The following KHDRBS2 variants were observed in gnomAD, a reference collection of about 807,000 sequenced individuals.
KHDRBS2 encodes the protein KH domain-containing, RNA-binding, signal transduction-associated protein 2.
A neutral mutation model predicts 44.3 loss-of-function variants in KHDRBS2; 26 were observed. That is an observed-to-expected ratio of 0.59 (90% CI 0.43 to 0.81). KHDRBS2 has a LOEUF of 0.81. KHDRBS2 is among the 40% of genes least tolerant of loss of function. KHDRBS2 has a pLI of 0.00. For synonymous variants in KHDRBS2, 194 were observed against 151.1 expected (o/e 1.28, Z -2.08); for missense variants, 476 against 433.1 (o/e 1.10, Z -0.88).
intron 6 of KHDRBS2, among the ~76,000 whole-genome samples, chr6:61,877,816 G>A (rs1368657855): frequency 1.3e-5 from 2 of 151,756 alleles, no homozygotes; most frequent in Non-Finnish European, 2.9e-5. Context: ...TATTTTATTT[G>A]TAGTGAAAAT....
chr6:61,837,016 T>C (rs1041880754), intron 6 of KHDRBS2, among the ~76,000 whole-genome samples: 8 of 151,954 alleles, frequency 5.3e-5, no homozygotes, highest in African/African-American at 1.7e-4. Flanking sequence ...GACAGAGTCC[T>C]TCCAAACCAG....
At chr6:61,986,439 A>G (rs1175126836) in intron 3 of KHDRBS2, among the ~76,000 whole-genome samples, 1 of 152,220 alleles carries the variant, frequency 6.6e-6, no homozygotes, top group Admixed American at 6.5e-5. Context: ...TTACTTTGGT[A>G]TAAGGAAGAG....
intron 7 of KHDRBS2, among the ~76,000 whole-genome samples, chr6:61,718,642 G>T (rs1484071768): frequency 1.3e-5 from 2 of 152,024 alleles, no homozygotes; most frequent in Non-Finnish European, 2.9e-5. Context: ...GTGAGATCAG[G>T]ATAGAAACTC....
At chr6:61,657,369 T>G in the KHDRBS2 span, among the ~76,000 whole-genome samples, 1 of 152,032 alleles carries the variant, frequency 6.6e-6, no homozygotes, top group African/African-American at 2.4e-5. Flanking sequence ...CTTCTTATTT[T>G]CACCCTATGA....
intron 6 of KHDRBS2, among the ~76,000 whole-genome samples, chr6:61,771,685 A>G (rs1780935804): frequency 6.6e-6 from 1 of 152,214 alleles, no homozygotes; most frequent in South Asian, 2.1e-4. Context: ...AGATTCATAA[A>G]GCAAGTCTTT....
chr6:62,005,563 A>G (rs2127263447), intron 3 of KHDRBS2, among the ~76,000 whole-genome samples: 1 of 151,994 alleles, frequency 6.6e-6, no homozygotes, highest in South Asian at 2.1e-4. Context: ...CAAAAGAGAA[A>G]GGAAAGTCTT....
chr6:62,149,812 GC>G (rs1293298684), intron 2 of KHDRBS2, among the ~76,000 whole-genome samples: 3 of 152,134 alleles, frequency 2.0e-5, no homozygotes, highest in African/African-American at 7.2e-5. Context: ...GCATGGTGAT[GC>G]ACTCTATCTT....
At chr6:61,977,974 A>G (rs1283563928) in intron 4 of KHDRBS2, 92 bp downstream of exon 4, 1 of 1,061,864 alleles carries the variant, frequency 9.4e-7, no homozygotes, top group African/African-American at 1.6e-5. Flanking sequence ...TTGCAATATG[A>G]GTTTCCTTTT....
chr6:61,879,313 C>T (rs1459875291), intron 6 of KHDRBS2, among the ~76,000 whole-genome samples: 2 of 151,906 alleles, frequency 1.3e-5, no homozygotes, highest in Non-Finnish European at 2.9e-5. Flanking sequence ...CTGGAGTTCA[C>T]TCTCACAAAT....
intron 6 of KHDRBS2, among the ~76,000 whole-genome samples, chr6:61,750,455 G>A (rs1777495146): frequency 6.6e-6 from 1 of 152,150 alleles, no homozygotes; most frequent in South Asian, 2.1e-4. Context: ...TATGCAGCTT[G>A]TAGTGGGTTT....
chr6:62,144,224 A>T (rs1813454138), intron 2 of KHDRBS2, among the ~76,000 whole-genome samples: 1 of 151,976 alleles, frequency 6.6e-6, no homozygotes, highest in Non-Finnish European at 1.5e-5. Flanking sequence ...TACCTAAAAA[A>T]CTAGTTTGAC....
At chr6:61,807,762 A>T (rs769749192) in intron 6 of KHDRBS2, among the ~76,000 whole-genome samples, 10 of 151,988 alleles carry the variant, frequency 6.6e-5, no homozygotes, top group Non-Finnish European at 8.8e-5. Flanking sequence ...TGTACACTAA[A>T]CCCTCATGGC....
chr6:61,794,754 T>C (rs1282262586), intron 6 of KHDRBS2, among the ~76,000 whole-genome samples: 2 of 152,124 alleles, frequency 1.3e-5, no homozygotes, highest in Non-Finnish European at 2.9e-5. Flanking sequence ...CACAAATACA[T>C]GTTGCTGTGT....
chr6:61,785,565 G>T (rs986590051), intron 6 of KHDRBS2, among the ~76,000 whole-genome samples: 1 of 151,968 alleles, frequency 6.6e-6, no homozygotes, highest in Non-Finnish European at 1.5e-5. Flanking sequence ...AAATTGGAAA[G>T]ACATAAAAAT....
At chr6:61,863,042 T>C (rs1269694586) in intron 6 of KHDRBS2, among the ~76,000 whole-genome samples, 1 of 152,032 alleles carries the variant, frequency 6.6e-6, no homozygotes, top group African/African-American at 2.4e-5. Flanking sequence ...TATTTATCCA[T>C]TTTTTCCTAG....
At chr6:61,979,247 A>C (rs1773356309) in intron 3 of KHDRBS2, among the ~76,000 whole-genome samples, 1 of 152,126 alleles carries the variant, frequency 6.6e-6, no homozygotes. Flanking sequence ...ATTTTTTAGA[A>C]TTTCAAGATG....
chr6:61,726,190 G>A (rs537144730), intron 7 of KHDRBS2, among the ~76,000 whole-genome samples: 10 of 150,670 alleles, frequency 6.6e-5, no homozygotes, highest in Admixed American at 6.6e-4. Flanking sequence ...AGAACTAATA[G>A]ATGCAGAAAA....
chr6:62,055,924 C>A (rs1790184072), intron 2 of KHDRBS2, among the ~76,000 whole-genome samples: 1 of 151,974 alleles, frequency 6.6e-6, no homozygotes, highest in Non-Finnish European at 1.5e-5. Flanking sequence ...CACAAATTCC[C>A]AGTTCTTGGT....
At chr6:61,700,985 A>G (rs1162160357) in intron 7 of KHDRBS2, among the ~76,000 whole-genome samples, 2 of 151,940 alleles carry the variant, frequency 1.3e-5, no homozygotes, top group African/African-American at 2.4e-5. Flanking sequence ...TACAGGAATA[A>G]CTATGTAGAA....
Sources: gnomAD v4.1 joint callset for allele counts (sites outside exome capture counted in the v4.1 genomes callset) on GRCh38, gnomAD v4.1.1 for gene constraint, MANE v1.5 for transcripts, NCBI Gene and HGNC (gene_info 2026-07-23, HGNC 2026-07-21) for gene names.